The following PRELID2 variants were observed in gnomAD, a reference collection of about 807,000 sequenced individuals.
PRELID2 encodes the protein PRELI domain containing 2, also known as PRELI domain-containing protein 2.
A neutral mutation model predicts 28.4 loss-of-function variants in PRELID2; 25 were observed. The observed-to-expected ratio is 0.88, with a 90% confidence interval of 0.64 to 1.23. The LOEUF is 1.23. PRELID2 is among the 50% of genes most tolerant of loss of function. PRELID2 has a pLI of 0.00. For synonymous variants in PRELID2, 76 were observed against 71.6 expected, an observed-to-expected ratio of 1.06 and a Z score of -0.31; for missense variants, 201 against 214.4, an observed-to-expected ratio of 0.94 and a Z score of 0.39.
chr5:145,650,805 C>T (rs1754282863), intron 1 of PRELID2, among the ~76,000 whole-genome samples: 1 of 151,972 alleles, frequency 6.6e-6, no homozygotes, highest in Admixed American at 6.6e-5. Flanking sequence ...ATAGGAACAG[C>T]TTCAGTCTAC....
At chr5:145,486,195 A>T (rs1316461136) in intron 1 of PRELID2, among the ~76,000 whole-genome samples, 3 of 152,136 alleles carry the variant, frequency 2.0e-5, no homozygotes, top group Non-Finnish European at 2.9e-5. Flanking sequence ...CAGAACCCTA[A>T]AATTAGATGT....
At chr5:145,783,611 A>T (rs1002192237) in intron 5 of PRELID2, among the ~76,000 whole-genome samples, 3 of 152,232 alleles carry the variant, frequency 2.0e-5, no homozygotes, top group African/African-American at 7.2e-5. Flanking sequence ...ATTAAAAAGT[A>T]TTATCAACAG....
At chr5:145,404,057 T>C in the PRELID2 span, among the ~76,000 whole-genome samples, 8 of 152,190 alleles carry the variant, frequency 5.3e-5, no homozygotes, top group Admixed American at 2.6e-4. Flanking sequence ...CCACCCTGAT[T>C]TGAAGCGGAT....
At chr5:145,406,257 T>C in the PRELID2 span, among the ~76,000 whole-genome samples, 31 of 152,320 alleles carry the variant, frequency 2.0e-4, no homozygotes, top group Non-Finnish European at 4.4e-4. Flanking sequence ...TAACAGGTGG[T>C]AGTTTTGCAA....
chr5:145,702,244 G>A (rs1481292097), intron 1 of PRELID2, among the ~76,000 whole-genome samples: 3 of 152,084 alleles, frequency 2.0e-5, no homozygotes, highest in Admixed American at 2.0e-4. Flanking sequence ...GATCATCTGA[G>A]TATGGTGTTC....
At chr5:145,468,175 T>C (rs1752020396), downstream of PRELID2, among the ~76,000 whole-genome samples, 1 of 152,158 alleles carries the variant, frequency 6.6e-6, no homozygotes, top group Admixed American at 6.6e-5. Flanking sequence ...TGTTTGGTTT[T>C]TTGTCCTGGC....
rs1014004818 is a variant in PRELID2 at position 145,651,413 on chromosome 5, T to C, written n.70+113518A>G. On this transcript the variant is annotated intron_variant and non_coding_transcript_variant, in intron 1 of 2. Coordinates refer to the PRELID2 transcript ENST00000510259. ...CTGACAGCATTGAATAGAGTAGTGG[T>C]TCTCCCAGCACGGAGTCTGAGATCT... Among the ~76,000 whole-genome samples, 5 of 152,132 alleles carry C rather than the reference T, an allele frequency of 3.3e-5. No individual in the cohort carries two copies. In the East Asian group the frequency reaches 7.7e-4, roughly 24 times the overall value.
At chr5:145,274,769 AG>A in the PRELID2 span, among the ~76,000 whole-genome samples, 2 of 152,180 alleles carry the variant, frequency 1.3e-5, no homozygotes, top group African/African-American at 4.8e-5. Flanking sequence ...AGTCAAAGAA[AG>A]GCCAGTTTGA....
At chr5:145,311,494 G>A in the PRELID2 span, among the ~76,000 whole-genome samples, 4 of 152,190 alleles carry the variant, frequency 2.6e-5, no homozygotes, top group African/African-American at 9.7e-5. Flanking sequence ...TCCTGTGACT[G>A]TGAATTCTAT....
intron 1 of PRELID2, among the ~76,000 whole-genome samples, chr5:145,832,719 G>A (rs1191027183): frequency 6.6e-6 from 1 of 151,936 alleles, no homozygotes; most frequent in Admixed American, 6.6e-5. Flanking sequence ...GAGGGTGCTG[G>A]CAGCAGTAAA....
At chr5:145,275,702 T>C in the PRELID2 span, among the ~76,000 whole-genome samples, 2 of 152,130 alleles carry the variant, frequency 1.3e-5, no homozygotes, top group Non-Finnish European at 2.9e-5. Flanking sequence ...GTACTCTTTA[T>C]TGGTGCATTG....
intron 1 of PRELID2, among the ~76,000 whole-genome samples, chr5:145,613,289 T>C (rs144124718): frequency 0.012 from 1,840 of 151,402 alleles, 17 homozygotes; most frequent in Non-Finnish European, 0.017. Context: ...TTTTTTTATT[T>C]TTATTTATTT....
chr5:145,671,409 A>T (rs1754704515), intron 1 of PRELID2, among the ~76,000 whole-genome samples: 1 of 152,150 alleles, frequency 6.6e-6, no homozygotes. Context: ...TCTCTGAATT[A>T]AAAAATTTTC....
rs145063448 is a variant in PRELID2 at position 145,803,798 on chromosome 5, G to A, written c.369-7251C>T. On this transcript the variant is annotated intron_variant, in intron 4 of 6. Coordinates refer to ENST00000683046, the MANE Select transcript of PRELID2 (RefSeq NM_205846.3). ...AATAACCACTGTGAAAATCCAGCCC[G>A]AGGCAACTCCAAGACTCTGTAATTC... 6.1e-5 allele frequency among the ~76,000 whole-genome samples: 9 copies of A among 147,994 alleles called. No homozygotes were observed. The East Asian group carries it at 1.8e-3, about 30-fold the overall frequency.
At chr5:145,756,018 C>T (rs1404331740), downstream of PRELID2, among the ~76,000 whole-genome samples, 1 of 152,210 alleles carries the variant, frequency 6.6e-6, no homozygotes, top group Non-Finnish European at 1.5e-5. Context: ...AGAAGCTACA[C>T]TCTCTCTCCT....
intron 1 of PRELID2, among the ~76,000 whole-genome samples, chr5:145,477,153 G>A (rs867880097): frequency 5.3e-5 from 8 of 152,056 alleles, no homozygotes; most frequent in East Asian, 1.9e-4. Flanking sequence ...GGCTTTATCC[G>A]AATAAGAGAG....
chr5:145,654,076 G>A (rs184256104), intron 1 of PRELID2, among the ~76,000 whole-genome samples: 106 of 152,080 alleles, frequency 7.0e-4, no homozygotes, highest in East Asian at 5.2e-3. Flanking sequence ...TATCACCACC[G>A]ATCCCACAGA....
chr5:145,279,567 G>A, the PRELID2 span, among the ~76,000 whole-genome samples: 2 of 152,094 alleles, frequency 1.3e-5, no homozygotes, highest in Non-Finnish European at 2.9e-5. Flanking sequence ...CTTGCCAAAT[G>A]GCTAGAATTT....
chr5:145,800,301 T>TACACACACACACACACAC (rs10555229), intron 4 of PRELID2, among the ~76,000 whole-genome samples: 1 of 138,480 alleles, frequency 7.2e-6, no homozygotes, highest in East Asian at 2.1e-4. Context: ...CCCCTTCTCT[T>TACACACACACACACACAC]ACACACACAC....
Sources: gnomAD v4.1 joint callset for allele counts (sites outside exome capture counted in the v4.1 genomes callset) on GRCh38, gnomAD v4.1.1 for gene constraint, MANE v1.5 for transcripts, NCBI Gene and HGNC (gene_info 2026-07-23, HGNC 2026-07-21) for gene names.